The following UGGT2 variants were observed in gnomAD, a reference collection of about 807,000 sequenced individuals.
UGGT2 encodes the protein UDP-glucose glycoprotein glucosyltransferase 2.
UGGT2 carries 180 observed loss-of-function variants against 192.1 expected under a neutral mutation model. The ratio of observed to expected loss-of-function variants is 0.94; its 90% CI spans 0.83 to 1.06. UGGT2 has a LOEUF of 1.06. UGGT2 is among the 50% of genes least tolerant of loss of function. UGGT2 has a pLI of 0.00. For synonymous variants in UGGT2, 580 were observed against 591.0 expected, an observed-to-expected ratio of 0.98 and a Z score of 0.27; for missense variants, 1,849 against 1,795.7, an observed-to-expected ratio of 1.03 and a Z score of -0.54.
intron 5 of UGGT2, among the ~76,000 whole-genome samples, chr13:96,008,394 G>C (rs2052049470): frequency 6.6e-6 from 1 of 152,160 alleles, no homozygotes. Context: ...AACCAGGCAA[G>C]AGAAAGAAAT....
intron 12 of UGGT2, 54 bp from the exon 13 acceptor site, chr13:95,949,508 C>A: frequency 7.3e-7 from 1 of 1,371,230 alleles, no homozygotes; most frequent in Non-Finnish European, 9.5e-7. Context: ...AAATCATTTT[C>A]AAAGCCAGAT....
intron 2 of UGGT2, among the ~76,000 whole-genome samples, chr13:96,028,561 C>G (rs955549361): frequency 6.6e-5 from 10 of 152,176 alleles, no homozygotes; most frequent in Non-Finnish European, 1.2e-4. Flanking sequence ...ATATGTAAGT[C>G]TGGCAGAACC....
chr13:95,905,740 A>G (rs1202917154), intron 20 of UGGT2, among the ~76,000 whole-genome samples: 1 of 152,184 alleles, frequency 6.6e-6, no homozygotes, highest in African/African-American at 2.4e-5. Flanking sequence ...TGATGCCTCC[A>G]GCTTTGTTCT....
At position 95,940,133 on chromosome 13, in the gene UGGT2, C is replaced by T. The variant is rs377330375; in HGVS notation, c.1678-42G>A. The T allele has an allele frequency of 2.2e-6, 3 of 1,361,442 alleles. No homozygotes were observed. In the African/African-American group the frequency reaches 4.6e-5, roughly 21 times the overall value. 84.3% of individuals were successfully genotyped at this position (1,361,442 alleles called of 1,614,324 possible). A position where few individuals can be genotyped will look rare whatever the true frequency, so the allele number is the denominator to read the frequency against. ...ATTATAATTAATTTTCTTCTTATAGCAATTAGTTTTCTTTTTTTTCCTTAG... is the reference window on the plus strand; with the variant it reads ...ATTATAATTAATTTTCTTCTTATAGTAATTAGTTTTCTTTTTTTTCCTTAG... On this transcript the variant is annotated intron_variant, in intron 15 of 38. Transcript: ENST00000376747.
rs370041064 is a variant in UGGT2, at chr13:95,942,221, GGTGTGTGTGTGTGTGTGTGTGTGTGTGT to G, written c.1678-2158_1678-2131del. On this transcript the variant is annotated intron_variant, in intron 15 of 38. Coordinates refer to ENST00000376747, the MANE Select transcript of UGGT2 (RefSeq NM_020121.4). Reference sequence around the variant, plus strand: ...GTACAAGAGCTTCTCTTAGGGTGAGGGTGTGTGTGTGTGTGTGTGTGTGTGTGTGTGTGTGTGTGTGTGTGTGTGTGTT... The same window carrying G: ...GTACAAGAGCTTCTCTTAGGGTGAGGGTGTGTGTGTGTGTGTGTGTGTGTT... Among the ~76,000 whole-genome samples, 14 of 118,084 alleles carry G rather than the reference GGTGTGTGTGTGTGTGTGTGTGTGTGTGT, an allele frequency of 1.2e-4. No homozygotes were observed. In the East Asian group the frequency reaches 2.9e-3, roughly 25 times the overall value. The allele number at this position is 118,084 out of a possible 152,430, so 77.5% of individuals were successfully genotyped here. A position where few individuals can be genotyped will look rare whatever the true frequency, so the allele number is the denominator to read the frequency against.
chr13:95,988,470 GGAGGTCTAAGCAT>G (rs1296107821), intron 8 of UGGT2, among the ~76,000 whole-genome samples: 1 of 152,144 alleles, frequency 6.6e-6, no homozygotes, highest in Non-Finnish European at 1.5e-5. Context: ...TATAATAAAA[GGAGGTCTAAGCAT>G]GAGGTCTAGA....
intron 10 of UGGT2, among the ~76,000 whole-genome samples, chr13:95,975,572 A>G (rs1267928232): frequency 6.6e-6 from 1 of 152,176 alleles, no homozygotes; most frequent in African/African-American, 2.4e-5. Flanking sequence ...GAGCAGAAAT[A>G]AATGCAAATC....
intron 12 of UGGT2, among the ~76,000 whole-genome samples, chr13:95,951,348 G>C (rs985422698): frequency 2.6e-5 from 4 of 152,214 alleles, no homozygotes; most frequent in African/African-American, 9.7e-5. Context: ...TAATGAATTT[G>C]AAGGTAAGTC....
intron 6 of UGGT2, among the ~76,000 whole-genome samples, chr13:95,997,804 A>T (rs2051673644): frequency 6.6e-6 from 1 of 152,168 alleles, no homozygotes. Context: ...ACAGAAAATT[A>T]TTCTAAATAG....
intron 16 of UGGT2, 143 bp from the exon 17 acceptor site, chr13:95,937,231 T>G: frequency 2.1e-6 from 2 of 972,430 alleles, no homozygotes; most frequent in Non-Finnish European, 2.9e-6. Flanking sequence ...TTTCCAAACA[T>G]TGCCTAAAGG....
rs1302123354 is a variant in UGGT2 at position 95,996,219 on chromosome 13, T to G, written c.758-84A>C. The G allele has an allele frequency of 7.7e-6, 10 of 1,293,308 alleles. No individual in the cohort carries two copies. In the East Asian group the frequency reaches 2.1e-4, roughly 27 times the overall value. The allele number at this position is 1,293,308 out of a possible 1,614,324, so 80.1% of individuals were successfully genotyped here. ...CATGTAATCAAAAATTAGAAGAACT[T>G]GGCCAGGTGCGGCAGCTCATGCCTG... On this transcript the variant is annotated intron_variant, in intron 6 of 38. Coordinates refer to ENST00000376747, the MANE Select transcript of UGGT2 (RefSeq NM_020121.4).
chr13:96,046,984 G>T (rs964923674), intron 1 of UGGT2, among the ~76,000 whole-genome samples: 1 of 152,220 alleles, frequency 6.6e-6, no homozygotes, highest in Admixed American at 6.5e-5. Flanking sequence ...CTTGAACTGG[G>T]TGGAGCCCAC....
At chr13:95,973,813 C>A (rs1244156989) in intron 10 of UGGT2, among the ~76,000 whole-genome samples, 8 of 152,192 alleles carry the variant, frequency 5.3e-5, no homozygotes, top group Non-Finnish European at 4.4e-5. Context: ...TCATAATCCT[C>A]AGTTTCCTCA....
At chr13:95,820,632 G>T (rs1456495904) in intron 38 of UGGT2, among the ~76,000 whole-genome samples, 1 of 151,752 alleles carries the variant, frequency 6.6e-6, no homozygotes, top group Non-Finnish European at 1.5e-5. Context: ...TAGCTTTTGG[G>T]GTGCAAGTGG....
chr13:95,927,457 A>C, intron 17 of UGGT2, 121 bp from the exon 18 acceptor site: 1 of 823,762 alleles, frequency 1.2e-6, no homozygotes, highest in Non-Finnish European at 1.8e-6. Flanking sequence ...AATTATTACA[A>C]TACATTTTCT....
chr13:96,003,559 A>G (rs1367830657), intron 5 of UGGT2, among the ~76,000 whole-genome samples: 1 of 152,132 alleles, frequency 6.6e-6, no homozygotes, highest in East Asian at 1.9e-4. Flanking sequence ...TCACTGTATG[A>G]GTTCTTGGGC....
intron 5 of UGGT2, among the ~76,000 whole-genome samples, chr13:96,009,444 C>T (rs2052085066): frequency 6.6e-6 from 1 of 152,214 alleles, no homozygotes; most frequent in Non-Finnish European, 1.5e-5. Context: ...AACTATGTAT[C>T]TGACAAAGGT....
At chr13:95,803,418 G>A (rs955224491) in intron 38 of UGGT2, among the ~76,000 whole-genome samples, 10 of 152,066 alleles carry the variant, frequency 6.6e-5, no homozygotes, top group South Asian at 2.1e-4. Context: ...GCGCCACCAC[G>A]CCTGGCTAAT....
chr13:95,989,984 C>T lies in UGGT2; in HGVS notation c.920G>A (p.Trp307Ter). 2 of 1,604,868 alleles carry T rather than the reference C, an allele frequency of 1.2e-6. No homozygotes were observed. The highest frequency in any genetic ancestry group is 2.2e-5 in the East Asian group (1 of 44,546). ...SNKQMMPLKV[W>*]ELQDLSFQAA... Reference sequence around the variant, plus strand: ...TCAAAATACTATACCTTGTAGTTCCCAGACTTTCAAAGGCATCATTTGTTT... The same window carrying T: ...TCAAAATACTATACCTTGTAGTTCCTAGACTTTCAAAGGCATCATTTGTTT... The change falls in exon 8 of 39, where the codon TGG becomes TAG. Residue 307 changes from tryptophan (W) to a stop codon, truncating the protein, a stop_gained. Coordinates refer to ENST00000376747, the MANE Select transcript of UGGT2 (RefSeq NM_020121.4). LOFTEE classifies it high-confidence loss of function.
Sources: allele counts gnomAD v4.1 joint callset (sites outside exome capture counted in the v4.1 genomes callset), GRCh38; gene constraint gnomAD v4.1.1; transcripts MANE v1.5; gene names NCBI Gene and HGNC (gene_info 2026-07-23, HGNC 2026-07-21).